Variants in IFT80 observed in about 807,000 individuals in gnomAD.
IFT80 encodes the protein intraflagellar transport protein 80 homolog.
IFT80 carries 79 observed loss-of-function variants against 107.9 expected under a neutral mutation model. The ratio of observed to expected loss-of-function variants is 0.73; its 90% CI spans 0.61 to 0.88. The LOEUF (loss-of-function observed/expected upper bound fraction) is 0.88, where lower values mean the gene tolerates loss of function less well. Among genes scored for constraint, IFT80 ranks in the 40% least tolerant of loss-of-function variants. IFT80 has a pLI of 0.00. For synonymous variants in IFT80, 299 were observed against 300.9 expected (o/e 0.99, Z 0.07); for missense variants, 797 against 914.2 (o/e 0.87, Z 1.65).
At position 160,398,381 on chromosome 3, in the gene IFT80, C is replaced by A. The variant is rs143085759; in HGVS notation, c.-47+765G>T. ...TAATGGTGATTTAACATGCCAGACC[C>A]TAAGTAAGCAAAAGTTAAAGAAAAA... is the stretch of plus-strand genomic sequence containing the variant. On this transcript the variant is annotated intron_variant, in intron 1 of 19. Transcript: ENST00000326448. Among the ~76,000 whole-genome samples, 351 of 151,978 alleles carry A rather than the reference C, an allele frequency of 2.3e-3. 3 individuals are homozygous for A. The highest frequency in any genetic ancestry group is 7.8e-3 in the African/African-American group (324 of 41,434).
chr3:160,293,087 G>T (rs906460944), intron 12 of IFT80, among the ~76,000 whole-genome samples: 1 of 152,172 alleles, frequency 6.6e-6, no homozygotes, highest in Non-Finnish European at 1.5e-5. Context: ...TGAGAGTAAA[G>T]AAATGAATAA....
chr3:160,331,399 T>C (rs1434444470), intron 8 of IFT80, among the ~76,000 whole-genome samples: 1 of 152,174 alleles, frequency 6.6e-6, no homozygotes, highest in Non-Finnish European at 1.5e-5. Flanking sequence ...TCTCTAGAAT[T>C]TCCCTTTAAT....
chr3:160,352,485 C>T (rs990858268), intron 8 of IFT80, among the ~76,000 whole-genome samples: 1 of 152,124 alleles, frequency 6.6e-6, no homozygotes, highest in Admixed American at 6.6e-5. Context: ...CATTTCAGGA[C>T]TTAAAAGGAA....
chr3:160,277,767 T>C, intron 16 of IFT80, 97 bp from the exon 17 acceptor site: 4 of 809,160 alleles, frequency 4.9e-6, no homozygotes, highest in Non-Finnish European at 8.2e-6. Context: ...GATATTTTAA[T>C]TTAAAAAATA....
At chr3:160,325,317 C>T (rs1267022689) in intron 8 of IFT80, among the ~76,000 whole-genome samples, 6 of 152,014 alleles carry the variant, frequency 3.9e-5, no homozygotes, top group African/African-American at 1.2e-4. Context: ...GAGCCCGCAT[C>T]GCTAAGTCAA....
Position 160,277,438 on chromosome 3 carries a change from G to A in IFT80, c.1967C>T (p.Pro656Leu), listed in dbSNP as rs2108226106. Residue 656 changes from proline (P) to leucine (L), a missense_variant, in exon 18 of 20, where the codon CCA becomes CTA. By Grantham distance (98) the Pro-to-Leu change is moderately conservative. Transcript: ENST00000326448. The part of the protein sequence containing the change: ...VQYINSIKNL[P>L]SKESKMAHIL... ...GTGGGCCATTTTTGATTCTTTAGAT[G>A]GAAGATTTTTTATAGAATTGATGTA... 2 of 1,610,740 alleles carry A rather than the reference G, an allele frequency of 1.2e-6. No individual in the cohort carries two copies. The highest frequency in any genetic ancestry group is 2.7e-5 in the African/African-American group (2 of 74,880).
intron 8 of IFT80, among the ~76,000 whole-genome samples, chr3:160,322,364 C>T (rs946458079): frequency 1.1e-4 from 16 of 151,826 alleles, no homozygotes; most frequent in African/African-American, 3.9e-4. Flanking sequence ...AGGACATGAA[C>T]TCATCATTTT....
chr3:160,319,833 A>G lies in IFT80; in HGVS notation c.884T>C (p.Phe295Ser). Residue 295 changes from phenylalanine (F) to serine (S), a missense_variant, in exon 9 of 20, where the codon TTT (phenylalanine) becomes TCT (serine). Transcript: ENST00000326448. Reference sequence around the variant, plus strand: ...CCAATGTTGTTCCACCACATGTGCAAAAACGACATGTCCATTTCCACAGGC... The same window carrying G: ...CCAATGTTGTTCCACCACATGTGCAGAAACGACATGTCCATTTCCACAGGC... ...AGACGNGHVV[F>S]AHVVEQHWEW... The G allele has an allele frequency of 6.2e-7, 1 of 1,613,098 alleles. No homozygotes were observed. The highest frequency in any genetic ancestry group is 2.2e-5 in the East Asian group (1 of 44,852).
chr3:160,390,569 G>A (rs945905797), intron 1 of IFT80, among the ~76,000 whole-genome samples: 4 of 152,212 alleles, frequency 2.6e-5, no homozygotes, highest in Non-Finnish European at 5.9e-5. Context: ...AACTTAGATG[G>A]TGAAGAACTA....
At position 160,324,307 on chromosome 3, in the gene IFT80, C is replaced by A. The variant is rs143629157; in HGVS notation, c.778-4368G>T. Among the ~76,000 whole-genome samples the A allele has an allele frequency of 1.3e-3, 204 of 152,284 alleles. 1 individual carries two copies. Among genetic ancestry groups the A allele is most frequent in the African/African-American group, 4.6e-3 (192 of 41,566 alleles). ...GGCCAGCATCATCCTAATACCGAAGCCGGGTGGAGACACAACCAAAAAAGA... is the reference window on the plus strand; with the variant it reads ...GGCCAGCATCATCCTAATACCGAAGACGGGTGGAGACACAACCAAAAAAGA... On this transcript the variant is annotated intron_variant, in intron 8 of 19. Transcript: ENST00000326448.
intron 1 of IFT80, among the ~76,000 whole-genome samples, chr3:160,398,833 T>A (rs1714098454): frequency 6.6e-6 from 1 of 152,180 alleles, no homozygotes; most frequent in South Asian, 2.1e-4. Flanking sequence ...TAAAGAGCCT[T>A]TTAGTCAAAT....
intron 8 of IFT80, among the ~76,000 whole-genome samples, chr3:160,350,574 C>T (rs1007508844): frequency 6.6e-6 from 1 of 152,008 alleles, no homozygotes; most frequent in Non-Finnish European, 1.5e-5. Context: ...CTCAGCACTT[C>T]GGGAGGCCGA....
At chr3:160,308,335 T>C (rs1716977578) in intron 9 of IFT80, among the ~76,000 whole-genome samples, 1 of 151,958 alleles carries the variant, frequency 6.6e-6, no homozygotes, top group Admixed American at 6.6e-5. Flanking sequence ...ACAAAGACAG[T>C]GTCTAAAAAA....
intron 8 of IFT80, among the ~76,000 whole-genome samples, chr3:160,324,676 C>G (rs1189408306): frequency 6.6e-6 from 1 of 152,066 alleles, no homozygotes; most frequent in Admixed American, 6.6e-5. Context: ...TAATAGCATA[C>G]TGAATGGGCA....
intron 8 of IFT80, among the ~76,000 whole-genome samples, chr3:160,327,463 C>G (rs1237866091): frequency 1.3e-5 from 2 of 152,138 alleles, no homozygotes; most frequent in Non-Finnish European, 2.9e-5. Context: ...CAGCAAGGTA[C>G]TGGTACAAGA....
In IFT80 at chr3:160,384,552, T is replaced by G; in HGVS notation, c.37+12A>C. 6.8e-7 allele frequency: 1 copy of G among 1,468,566 alleles called. No individual in the cohort carries two copies. The highest frequency in any genetic ancestry group is 9.5e-7 in the Non-Finnish European group (1 of 1,055,602). 91.0% of individuals were successfully genotyped at this position (1,468,566 alleles called of 1,614,324 possible). On this transcript the variant is annotated intron_variant, in intron 2 of 19. Transcript: ENST00000326448. ...GAAAATCCAATAAGATTTATAAGCA[T>G]TAAAAGGATATGCTTTGGTTCTTTT...
intron 18 of IFT80, among the ~76,000 whole-genome samples, chr3:160,275,543 T>C (rs553241298): frequency 1.3e-5 from 2 of 152,340 alleles, no homozygotes; most frequent in African/African-American, 4.8e-5. Context: ...TCATTCTATG[T>C]GCAATACTCT....
At chr3:160,381,300 G>A (rs1194438001) in intron 3 of IFT80, among the ~76,000 whole-genome samples, 1 of 138,492 alleles carries the variant, frequency 7.2e-6, no homozygotes, top group Non-Finnish European at 1.6e-5. Flanking sequence ...CCTAGTATAT[G>A]CCAGTTAAAC....
intron 5 of IFT80, among the ~76,000 whole-genome samples, chr3:160,372,663 T>C (rs1432592351): frequency 6.6e-6 from 1 of 152,222 alleles, no homozygotes; most frequent in Non-Finnish European, 1.5e-5. Context: ...GGAATATCTA[T>C]CTAATTTAAT....
Sources: gnomAD v4.1 joint callset for allele counts (sites outside exome capture counted in the v4.1 genomes callset) on GRCh38, gnomAD v4.1.1 for gene constraint, MANE v1.5 for transcripts, NCBI Gene and HGNC (gene_info 2026-07-23, HGNC 2026-07-21) for gene names.